The following CDH18 variants were observed in gnomAD, a reference collection of about 807,000 sequenced individuals.
The protein encoded by CDH18 is cadherin-18.
CDH18 carries 31 observed loss-of-function variants against 67.9 expected under a neutral mutation model. The ratio of observed to expected loss-of-function variants is 0.46; its 90% confidence interval spans 0.34 to 0.62. The LOEUF (loss-of-function observed/expected upper bound fraction) is 0.62. Ranked by LOEUF, CDH18 falls within the 20% of genes least tolerant of loss-of-function variation. CDH18 has a pLI of 0.01. For synonymous variants in CDH18, 362 were observed against 347.2 expected, an observed-to-expected ratio of 1.04 and a Z score of -0.48; for missense variants, 890 against 975.5, an observed-to-expected ratio of 0.91 and a Z score of 1.17.
chr5:19,907,357 C>T (rs539625615), intron 2 of CDH18, among the ~76,000 whole-genome samples: 1 of 151,886 alleles, frequency 6.6e-6, no homozygotes, highest in South Asian at 2.1e-4. Context: ...TTTGCAAATG[C>T]ATAATGAGAT....
intron 1 of CDH18, among the ~76,000 whole-genome samples, chr5:19,984,063 T>C (rs1027833134): frequency 1.3e-5 from 2 of 152,130 alleles, no homozygotes; most frequent in Non-Finnish European, 2.9e-5. Context: ...AAAAATCATG[T>C]ATCCTCTCTA....
chr5:20,231,338 A>T (rs552858303), intron 2 of CDH18, among the ~76,000 whole-genome samples: 1 of 152,128 alleles, frequency 6.6e-6, no homozygotes, highest in Non-Finnish European at 1.5e-5. Context: ...GGCCGGGCAC[A>T]TTGGCTCGTG....
At chr5:20,264,786 A>C (rs1744906828) in intron 1 of CDH18, among the ~76,000 whole-genome samples, 1 of 152,140 alleles carries the variant, frequency 6.6e-6, no homozygotes, top group Non-Finnish European at 1.5e-5. Context: ...GTGGCTTTAG[A>C]GTGACATAAA....
intron 2 of CDH18, among the ~76,000 whole-genome samples, chr5:20,044,045 T>C (rs1740687147): frequency 6.6e-6 from 1 of 152,176 alleles, no homozygotes; most frequent in Admixed American, 6.5e-5. Flanking sequence ...ACAGACTCAT[T>C]TCCTGTACAT....
intron 1 of CDH18, among the ~76,000 whole-genome samples, chr5:20,263,656 T>G (rs918774076): frequency 6.6e-6 from 1 of 152,154 alleles, no homozygotes; most frequent in Admixed American, 6.6e-5. Context: ...GTTCTCACAG[T>G]GTAAGATTGA....
At chr5:20,536,445 G>A (rs1231795049) in intron 1 of CDH18, among the ~76,000 whole-genome samples, 1 of 152,110 alleles carries the variant, frequency 6.6e-6, no homozygotes, top group Non-Finnish European at 1.5e-5. Context: ...TTGAAGTAAA[G>A]GCAATGTTTG....
intron 2 of CDH18, among the ~76,000 whole-genome samples, chr5:20,026,125 T>C (rs1379548400): frequency 6.6e-6 from 1 of 152,182 alleles, no homozygotes; most frequent in Non-Finnish European, 1.5e-5. Context: ...GAATTCATGT[T>C]AGTAGCATGA....
At chr5:20,076,460 G>A (rs1053716191) in intron 2 of CDH18, among the ~76,000 whole-genome samples, 1 of 151,846 alleles carries the variant, frequency 6.6e-6, no homozygotes, top group African/African-American at 2.4e-5. Context: ...GAAATGGCAA[G>A]CTTGGTTATT....
chr5:19,974,487 C>T (rs1798311940), intron 2 of CDH18, among the ~76,000 whole-genome samples: 1 of 144,424 alleles, frequency 6.9e-6, no homozygotes, highest in African/African-American at 2.6e-5. Context: ...CCATTGCACT[C>T]CAGCCTGGGC....
chr5:20,042,244 A>G (rs1219194720), intron 2 of CDH18, among the ~76,000 whole-genome samples: 1 of 152,268 alleles, frequency 6.6e-6, no homozygotes, highest in Non-Finnish European at 1.5e-5. Flanking sequence ...TTACATATTT[A>G]CTACACAAAT....
chr5:19,745,818 T>C (rs544863665), intron 4 of CDH18, among the ~76,000 whole-genome samples: 1 of 152,222 alleles, frequency 6.6e-6, no homozygotes, highest in East Asian at 1.9e-4. Context: ...CTACAGCAGC[T>C]GCAGGAGCTA....
At chr5:20,155,661 A>G (rs1269191881) in intron 2 of CDH18, among the ~76,000 whole-genome samples, 1 of 152,082 alleles carries the variant, frequency 6.6e-6, no homozygotes, top group Non-Finnish European at 1.5e-5. Context: ...GCCAATATAC[A>G]AAAGATATTT....
At chr5:19,800,202 A>G (rs1705656499) in intron 3 of CDH18, among the ~76,000 whole-genome samples, 1 of 152,106 alleles carries the variant, frequency 6.6e-6, no homozygotes. Flanking sequence ...TTTCCTGAGA[A>G]GCTCAGGAGT....
intron 1 of CDH18, among the ~76,000 whole-genome samples, chr5:20,458,451 C>G (rs1037713235): frequency 5.3e-5 from 8 of 152,038 alleles, no homozygotes; most frequent in Non-Finnish European, 1.0e-4. Flanking sequence ...GATCCTGTCT[C>G]TAGTGAAAAT....
chr5:19,995,255 C>T (rs1243212334), intron 2 of CDH18, among the ~76,000 whole-genome samples: 1 of 151,940 alleles, frequency 6.6e-6, no homozygotes, highest in Admixed American at 6.6e-5. Flanking sequence ...TATAATAAAC[C>T]ATCACGCCTA....
intron 2 of CDH18, among the ~76,000 whole-genome samples, chr5:19,994,407 A>C (rs920396999): frequency 6.6e-6 from 1 of 151,332 alleles, no homozygotes; most frequent in African/African-American, 2.4e-5. Context: ...TGTTGTTAAT[A>C]ACTTTCTCTA....
At chr5:20,206,958 A>G (rs1273581371) in intron 2 of CDH18, among the ~76,000 whole-genome samples, 2 of 152,008 alleles carry the variant, frequency 1.3e-5, no homozygotes, top group Non-Finnish European at 2.9e-5. Flanking sequence ...CATTATCTCT[A>G]CTTTTATTCA....
chr5:19,993,246 C>A lies in CDH18; in HGVS notation c.-517-1232G>T, dbSNP rs547812750. Among the ~76,000 whole-genome samples the A allele has an allele frequency of 5.9e-5, 9 of 152,126 alleles. No homozygotes were observed. In the East Asian group the frequency reaches 1.5e-3, roughly 26 times the overall value. ...GTGGGGACAGACTTAGAACCAAAAC[C>A]TGTGAATATGATTTAGATATTTCTA... On this transcript the variant is annotated intron_variant, in intron 2 of 14. Transcript: ENST00000507958.
At chr5:20,028,792 C>T (rs1270704026) in intron 2 of CDH18, among the ~76,000 whole-genome samples, 1 of 152,130 alleles carries the variant, frequency 6.6e-6, no homozygotes, top group Non-Finnish European at 1.5e-5. Context: ...TTAAAACTTA[C>T]AATTTGCTTA....
Sources: allele counts gnomAD v4.1 joint callset (sites outside exome capture counted in the v4.1 genomes callset), GRCh38; gene constraint gnomAD v4.1.1; transcripts MANE v1.5; gene names NCBI Gene and HGNC (gene_info 2026-07-23, HGNC 2026-07-21).